The following CDC5L variants were observed in gnomAD, a reference collection of about 807,000 sequenced individuals.
The protein encoded by CDC5L is cell division cycle 5 like.
CDC5L carries 18 observed loss-of-function variants against 104.1 expected under a neutral mutation model. The ratio of observed to expected loss-of-function variants is 0.17; its 90% confidence interval spans 0.12 to 0.26. CDC5L has a LOEUF of 0.26. Among genes scored for constraint, CDC5L ranks in the 10% least tolerant of loss-of-function variants. CDC5L has a pLI of 1.00. For synonymous variants in CDC5L, 331 were observed against 322.7 expected (o/e 1.03, Z -0.28); for missense variants, 673 against 956.9 (o/e 0.70, Z 3.91).
chr6:44,403,854 C>A lies in CDC5L; in HGVS notation c.585C>A (p.Gly195=), dbSNP rs1791245013. ...LQKRRELRAA[G]IEIQKKRKRK... ...AAAGAAGAGAACTTCGAGCAGCTGG[C>A]ATAGAAATTCAGAAGAAAAGAAAAA... The change falls in exon 6 of 16, where the codon GGC becomes GGA. Residue 195 remains glycine, a synonymous_variant. Coordinates refer to ENST00000371477, the MANE Select transcript of CDC5L (RefSeq NM_001253.4). The A allele has an allele frequency of 6.2e-7, 1 of 1,611,976 alleles. No homozygotes were observed.
At chr6:44,393,356 G>A in intron 3 of CDC5L, 90 bp from the exon 4 acceptor site, 4 of 1,238,846 alleles carry the variant, frequency 3.2e-6, no homozygotes, top group Non-Finnish European at 4.5e-6. Context: ...GTTTTTTTGG[G>A]GGGAAAAATA....
intron 14 of CDC5L, among the ~76,000 whole-genome samples, chr6:44,438,464 TA>T (rs1414753938): frequency 6.6e-6 from 1 of 152,192 alleles, no homozygotes; most frequent in African/African-American, 2.4e-5. Flanking sequence ...TGAGACCATT[TA>T]AATCAGAGTC....
At chr6:44,411,865 C>A (rs900121230) in intron 8 of CDC5L, among the ~76,000 whole-genome samples, 1 of 150,908 alleles carries the variant, frequency 6.6e-6, no homozygotes, top group African/African-American at 2.5e-5. Context: ...GCATTTATTT[C>A]CTTGGATTCT....
intron 11 of CDC5L, among the ~76,000 whole-genome samples, chr6:44,425,207 C>T (rs550485129): frequency 6.6e-6 from 1 of 152,234 alleles, no homozygotes; most frequent in African/African-American, 2.4e-5. Context: ...TCCAAAAATC[C>T]AACACCTGAA....
At position 44,424,699 on chromosome 6, in the gene CDC5L, A is replaced by C. The variant is rs1344346168; in HGVS notation, c.1569+116A>C. On this transcript the variant is annotated intron_variant, in intron 11 of 15. Coordinates refer to ENST00000371477, the MANE Select transcript of CDC5L (RefSeq NM_001253.4). ...TCTACCTAGTCCTTTTTAATATTGA[A>C]AAAACTTCTAAAGTAAATAACTTAT... 7 of 848,464 alleles carry C rather than the reference A, an allele frequency of 8.3e-6. No individual in the cohort carries two copies. In the East Asian group the frequency reaches 1.9e-4, roughly 24 times the overall value. The allele number at this position is 848,464 out of a possible 1,614,324, so 52.6% of individuals were successfully genotyped here. A position where few individuals can be genotyped will look rare whatever the true frequency, so the allele number is the denominator to read the frequency against.
chr6:44,411,946 G>A (rs1490762167), intron 8 of CDC5L, among the ~76,000 whole-genome samples: 1 of 152,212 alleles, frequency 6.6e-6, no homozygotes, highest in African/African-American at 2.4e-5. Context: ...TGTTCGGACA[G>A]ACTGGGAAAG....
At chr6:44,393,403 A>G (rs1790709600) in intron 3 of CDC5L, 43 bp from the exon 4 acceptor site, 1 of 1,553,348 alleles carries the variant, frequency 6.4e-7, no homozygotes, top group South Asian at 1.2e-5. Context: ...TTTAACTCTA[A>G]ATGGTACTGT....
chr6:44,404,005 G>T lies in CDC5L; in HGVS notation c.736G>T (p.Asp246Tyr). 1.2e-6 allele frequency: 2 copies of T among 1,610,216 alleles called. No homozygotes were observed. Among genetic ancestry groups the T allele is most frequent in the Non-Finnish European group, 1.7e-6 (2 of 1,179,040 alleles). ...AGATTTCAGGAAATTAAGACAACAG[G>T]ATCTTGATGGGGAGCTAAGATCGTA... ...DADFRKLRQQ[D>Y]LDGELRSEKE... Residue 246 changes from aspartate (D) to tyrosine (Y), a missense_variant, in exon 6 of 16, where the codon GAT (aspartate) becomes TAT (tyrosine). Physicochemically the swap from Asp to Tyr is radical, Grantham distance 160. Coordinates refer to ENST00000371477, the MANE Select transcript of CDC5L (RefSeq NM_001253.4).
intron 14 of CDC5L, among the ~76,000 whole-genome samples, chr6:44,437,614 T>A (rs1285605494): frequency 6.6e-6 from 1 of 152,186 alleles, no homozygotes; most frequent in Non-Finnish European, 1.5e-5. Context: ...TTTGAAGTTT[T>A]AAAATCTCTG....
At chr6:44,436,604 C>G (rs1490924782) in intron 14 of CDC5L, among the ~76,000 whole-genome samples, 2 of 152,082 alleles carry the variant, frequency 1.3e-5, no homozygotes, top group Non-Finnish European at 2.9e-5. Context: ...TTTAAAAAAT[C>G]TTATAAGAAT....
intron 9 of CDC5L, among the ~76,000 whole-genome samples, chr6:44,422,044 T>C (rs1204319996): frequency 6.6e-6 from 1 of 152,152 alleles, no homozygotes; most frequent in African/African-American, 2.4e-5. Flanking sequence ...AAAAAGACTT[T>C]GAATAATTAA....
intron 14 of CDC5L, among the ~76,000 whole-genome samples, chr6:44,432,813 T>C (rs1792744748): frequency 6.6e-6 from 1 of 152,202 alleles, no homozygotes; most frequent in Non-Finnish European, 1.5e-5. Flanking sequence ...GAATTGAGTT[T>C]AGAACCTTGC....
intron 14 of CDC5L, among the ~76,000 whole-genome samples, chr6:44,436,700 T>A (rs964495243): frequency 6.6e-6 from 1 of 152,206 alleles, no homozygotes; most frequent in Non-Finnish European, 1.5e-5. Context: ...ATAGCCACTC[T>A]TGTTTCCCCT....
intron 6 of CDC5L, among the ~76,000 whole-genome samples, chr6:44,405,295 T>C (rs1791315203): frequency 6.6e-6 from 1 of 152,242 alleles, no homozygotes; most frequent in East Asian, 1.9e-4. Context: ...CATTGTAAAA[T>C]AGGATTTTCT....
At chr6:44,418,192 G>A (rs908531700) in intron 8 of CDC5L, among the ~76,000 whole-genome samples, 1 of 151,460 alleles carries the variant, frequency 6.6e-6, no homozygotes, top group African/African-American at 2.4e-5. Context: ...TCCCCTTCCT[G>A]TGTCCATGTG....
At chr6:44,425,959 C>T (rs1792398510) in intron 11 of CDC5L, 144 bp from the exon 12 acceptor site, 2 of 523,380 alleles carry the variant, frequency 3.8e-6, no homozygotes, top group South Asian at 3.7e-5. Flanking sequence ...GTTGCCTTAG[C>T]ATTGCCTTTC....
intron 8 of CDC5L, among the ~76,000 whole-genome samples, chr6:44,412,096 C>T (rs1252657372): frequency 1.3e-5 from 2 of 152,184 alleles, no homozygotes; most frequent in African/African-American, 4.8e-5. Context: ...TCCCACTAGC[C>T]ATCTTCTCCT....
At chr6:44,414,219 A>G (rs1431440969) in intron 8 of CDC5L, among the ~76,000 whole-genome samples, 1 of 152,054 alleles carries the variant, frequency 6.6e-6, no homozygotes, top group Non-Finnish European at 1.5e-5. Context: ...TGCTGGGACT[A>G]CAGGTGTGCA....
chr6:44,424,198 G>A (rs540511465), intron 10 of CDC5L, among the ~76,000 whole-genome samples: 5 of 152,204 alleles, frequency 3.3e-5, no homozygotes, highest in African/African-American at 1.2e-4. Flanking sequence ...CTTGATACAG[G>A]CATGCATGTG....
Sources: gnomAD v4.1 joint callset for allele counts (sites outside exome capture counted in the v4.1 genomes callset) on GRCh38, gnomAD v4.1.1 for gene constraint, MANE v1.5 for transcripts, NCBI Gene and HGNC (gene_info 2026-07-23, HGNC 2026-07-21) for gene names.